Variants in SPOCK3 observed in about 807,000 individuals in gnomAD.
The protein encoded by SPOCK3 is testican-3.
A neutral mutation model predicts 56.6 loss-of-function variants in SPOCK3; 30 were observed. That is an observed-to-expected ratio of 0.53 (90% CI 0.40 to 0.72). The LOEUF (loss-of-function observed/expected upper bound fraction) is 0.72. Ranked by LOEUF, SPOCK3 falls within the 30% of genes least tolerant of loss-of-function variation. The pLI is 0.00. For synonymous variants in SPOCK3, 196 were observed against 183.3 expected (o/e 1.07, Z -0.56); for missense variants, 527 against 530.0 (o/e 0.99, Z 0.06).
At chr4:166,780,615 A>C (rs529161102) in intron 7 of SPOCK3, among the ~76,000 whole-genome samples, 2 of 152,298 alleles carry the variant, frequency 1.3e-5, no homozygotes, top group South Asian at 4.1e-4. Context: ...AAAGAGTTAA[A>C]AACACAGCTG....
chr4:167,012,194 AC>A (rs1750149001), intron 3 of SPOCK3, among the ~76,000 whole-genome samples: 1 of 152,006 alleles, frequency 6.6e-6, no homozygotes, highest in East Asian at 1.9e-4. Context: ...GAATAAAGGT[AC>A]AAGCAGTTAT....
At chr4:167,107,705 T>A (rs1488557996) in intron 2 of SPOCK3, among the ~76,000 whole-genome samples, 1 of 151,770 alleles carries the variant, frequency 6.6e-6, no homozygotes, top group Non-Finnish European at 1.5e-5. Flanking sequence ...TGGAAAAACT[T>A]AAAGACATCA....
intron 4 of SPOCK3, among the ~76,000 whole-genome samples, chr4:166,946,057 T>C (rs1001662637): frequency 6.6e-6 from 1 of 152,218 alleles, no homozygotes; most frequent in African/African-American, 2.4e-5. Context: ...TTATTATTTA[T>C]TGGTTAGGAC....
intron 2 of SPOCK3, among the ~76,000 whole-genome samples, chr4:167,151,822 T>C (rs1317263528): frequency 6.6e-6 from 1 of 152,184 alleles, no homozygotes; most frequent in Non-Finnish European, 1.5e-5. Context: ...AAATCTTAAA[T>C]ATCTTTCCTC....
intron 7 of SPOCK3, among the ~76,000 whole-genome samples, chr4:166,780,061 A>G (rs539155098): frequency 1.6e-4 from 25 of 152,288 alleles, no homozygotes; most frequent in African/African-American, 5.5e-4. Flanking sequence ...GAATGTGAGA[A>G]GTTAAAAAGA....
intron 2 of SPOCK3, among the ~76,000 whole-genome samples, chr4:167,107,108 T>C (rs1760231763): frequency 6.6e-6 from 1 of 151,924 alleles, no homozygotes; most frequent in African/African-American, 2.4e-5. Flanking sequence ...ACTCAAACTA[T>C]TCCAATAAAT....
intron 2 of SPOCK3, among the ~76,000 whole-genome samples, chr4:167,130,405 G>A (rs556990780): frequency 6.6e-6 from 1 of 152,020 alleles, no homozygotes; most frequent in Non-Finnish European, 1.5e-5. Context: ...GGTAATATAT[G>A]GAATATAAGA....
At chr4:167,131,477 C>T (rs1762689835) in intron 2 of SPOCK3, among the ~76,000 whole-genome samples, 1 of 152,124 alleles carries the variant, frequency 6.6e-6, no homozygotes, top group Non-Finnish European at 1.5e-5. Context: ...GTGGCACACA[C>T]CTGTAATCCC....
Position 166,763,648 on chromosome 4 carries a change from G to A in SPOCK3, c.710-8919C>T, listed in dbSNP as rs564216357. On this transcript the variant is annotated intron_variant, in intron 7 of 10. Coordinates refer to ENST00000357545, the MANE Select transcript of SPOCK3 (RefSeq NM_001040159.2). ...GTATGAAACTAATAGCACAAAATGT[G>A]TGTGCTGGGGTAGGGAGGGTAGTGT... is the stretch of plus-strand genomic sequence containing the variant. Among the ~76,000 whole-genome samples the A allele has an allele frequency of 6.9e-4, 105 of 152,214 alleles. 1 individual carries two copies. The highest frequency in any genetic ancestry group is 2.5e-3 in the African/African-American group (102 of 41,540).
At chr4:167,127,057 T>C (rs767964948) in intron 2 of SPOCK3, among the ~76,000 whole-genome samples, 2 of 152,142 alleles carry the variant, frequency 1.3e-5, no homozygotes, top group Non-Finnish European at 2.9e-5. Flanking sequence ...AGCAATAGAA[T>C]AGACAATTGG....
chr4:166,797,411 A>G (rs2126675495), intron 6 of SPOCK3, among the ~76,000 whole-genome samples: 1 of 151,778 alleles, frequency 6.6e-6, no homozygotes, highest in South Asian at 2.1e-4. Context: ...AACAACAAGA[A>G]GAAATTACAT....
intron 3 of SPOCK3, among the ~76,000 whole-genome samples, chr4:167,052,286 T>C (rs1202394845): frequency 3.3e-5 from 5 of 152,202 alleles, no homozygotes; most frequent in South Asian, 2.1e-4. Context: ...AAATCTGACA[T>C]AGAATAAATG....
chr4:167,072,103 T>A (rs559628782), intron 2 of SPOCK3, among the ~76,000 whole-genome samples: 13 of 152,040 alleles, frequency 8.6e-5, no homozygotes, highest in Non-Finnish European at 1.9e-4. Flanking sequence ...AAGAGGTAAG[T>A]GATTCTATCA....
At chr4:166,877,580 C>T (rs889805490) in intron 6 of SPOCK3, among the ~76,000 whole-genome samples, 13 of 152,096 alleles carry the variant, frequency 8.5e-5, no homozygotes, top group Non-Finnish European at 1.6e-4. Context: ...GAATGAAAAT[C>T]TCAAAAGAAC....
intron 2 of SPOCK3, among the ~76,000 whole-genome samples, chr4:167,120,898 T>C (rs564977355): frequency 1.1e-4 from 16 of 152,042 alleles, no homozygotes; most frequent in African/African-American, 2.6e-4. Context: ...AATTCCAACA[T>C]TGGGTAACAT....
rs1372152476 is a variant in SPOCK3 at position 166,965,148 on chromosome 4, TATTA to T, written c.350+35197_350+35200del. ...TTTATGGAAAGAACATGCTTTTTAT[TATTA>T]ATTATTTGAAATACCCAAAAATTCA... On this transcript the variant is annotated intron_variant, in intron 4 of 10. Coordinates refer to ENST00000357545, the MANE Select transcript of SPOCK3 (RefSeq NM_001040159.2). Among the ~76,000 whole-genome samples, 8 of 152,090 alleles carry T rather than the reference TATTA, an allele frequency of 5.3e-5. No individual in the cohort carries two copies. The South Asian group carries it at 1.4e-3, about 28-fold the overall frequency.
intron 4 of SPOCK3, among the ~76,000 whole-genome samples, chr4:166,988,203 A>G (rs1311513894): frequency 6.6e-6 from 1 of 152,090 alleles, no homozygotes; most frequent in East Asian, 1.9e-4. Context: ...GGTTGATAAC[A>G]ATAATAGTAA....
At chr4:166,857,805 G>A (rs2126896082) in intron 6 of SPOCK3, among the ~76,000 whole-genome samples, 1 of 152,198 alleles carries the variant, frequency 6.6e-6, no homozygotes, top group East Asian at 1.9e-4. Flanking sequence ...AGTCCTTCAG[G>A]GATTTGTTTG....
intron 7 of SPOCK3, among the ~76,000 whole-genome samples, chr4:166,767,026 G>A (rs1021919605): frequency 2.6e-5 from 4 of 152,234 alleles, no homozygotes; most frequent in Admixed American, 2.0e-4. Flanking sequence ...TGTGGGATCG[G>A]TGGTGATATC....
Sources: allele counts gnomAD v4.1 joint callset (sites outside exome capture counted in the v4.1 genomes callset), GRCh38; gene constraint gnomAD v4.1.1; transcripts MANE v1.5; gene names NCBI Gene and HGNC (gene_info 2026-07-23, HGNC 2026-07-21).